Variants in ADAMTSL1 observed in about 807,000 individuals in gnomAD.
ADAMTSL1 encodes ADAMTS like 1.
Under a neutral mutation model 201.8 loss-of-function variants are expected in ADAMTSL1, and 126 were observed. The observed-to-expected ratio is 0.62, with a 90% CI of 0.54 to 0.72. ADAMTSL1 has a LOEUF of 0.72. Among genes scored for constraint, ADAMTSL1 ranks in the 30% least tolerant of loss-of-function variants. The probability of loss-of-function intolerance (pLI) is 0.00; values close to 1 mark genes in which losing one functional copy is unlikely to be tolerated. For synonymous variants in ADAMTSL1, 1,121 were observed against 903.4 expected, an observed-to-expected ratio of 1.24 and a Z score of -4.32; for missense variants, 2,679 against 2,277.8, an observed-to-expected ratio of 1.18 and a Z score of -3.59.
intron 1 of ADAMTSL1, among the ~76,000 whole-genome samples, chr9:18,021,329 CA>C (rs1368908736): frequency 1.3e-5 from 2 of 152,050 alleles, no homozygotes; most frequent in African/African-American, 4.8e-5. Context: ...TGGTTTGTAA[CA>C]AATCATTTTA....
rs572581488 is a variant in ADAMTSL1 at position 18,364,934 on chromosome 9, C to T, written c.208-139895C>T. Among the ~76,000 whole-genome samples the T allele has an allele frequency of 7.9e-5, 12 of 152,132 alleles. No individual in the cohort carries two copies. The South Asian group carries it at 1.2e-3, about 16-fold the overall frequency. ...GGTACTAAACCATTCATCAGAACTC[C>T]GCCCCCATGATCCAATAACCTCCCA... On this transcript the variant is annotated intron_variant, in intron 2 of 29. Transcript: ENST00000680146.
intron 2 of ADAMTSL1, among the ~76,000 whole-genome samples, chr9:18,225,571 C>A (rs1360006808): frequency 6.6e-6 from 1 of 152,062 alleles, no homozygotes; most frequent in Non-Finnish European, 1.5e-5. Flanking sequence ...TATTTAAAAG[C>A]AATCCCATCA....
intron 23 of ADAMTSL1, among the ~76,000 whole-genome samples, chr9:18,839,419 A>T (rs1825567296): frequency 1.3e-5 from 2 of 151,928 alleles, no homozygotes; most frequent in South Asian, 4.2e-4. Flanking sequence ...ACATTTTCTT[A>T]ATCCAGTCTA....
chr9:18,423,577 G>GC (rs1254838457), intron 2 of ADAMTSL1, among the ~76,000 whole-genome samples: 1 of 152,220 alleles, frequency 6.6e-6, no homozygotes, highest in African/African-American at 2.4e-5. Context: ...TTTGAGGGAT[G>GC]CAGCTCCTTA....
chr9:18,818,917 C>T (rs1824029519), intron 21 of ADAMTSL1, among the ~76,000 whole-genome samples: 1 of 152,124 alleles, frequency 6.6e-6, no homozygotes. Flanking sequence ...AATCTAGAAC[C>T]AAGTCCCTTC....
intron 2 of ADAMTSL1, among the ~76,000 whole-genome samples, chr9:18,225,907 T>A (rs185284804): frequency 6.6e-6 from 1 of 152,266 alleles, no homozygotes; most frequent in African/African-American, 2.4e-5. Flanking sequence ...GGCCTGTATT[T>A]CAGTTTTTCT....
intron 1 of ADAMTSL1, among the ~76,000 whole-genome samples, chr9:17,942,558 C>G (rs1241268979): frequency 1.3e-5 from 2 of 152,118 alleles, no homozygotes; most frequent in Admixed American, 1.3e-4. Flanking sequence ...TGATGCTCAC[C>G]TAGAAGCCAG....
intron 1 of ADAMTSL1, among the ~76,000 whole-genome samples, chr9:18,105,516 C>T (rs1587062871): frequency 6.6e-6 from 1 of 152,108 alleles, no homozygotes; most frequent in South Asian, 2.1e-4. Context: ...TATAAGATAC[C>T]ATCTTCTTAA....
chr9:18,268,818 G>C, intron 2 of ADAMTSL1, among the ~76,000 whole-genome samples: 1 of 152,090 alleles, frequency 6.6e-6, no homozygotes, highest in African/African-American at 2.4e-5. Flanking sequence ...GGAAATAAAA[G>C]CAATTGGGTC....
intron 1 of ADAMTSL1, among the ~76,000 whole-genome samples, chr9:17,978,346 CT>C (rs760495328): frequency 1.2e-4 from 18 of 151,912 alleles, no homozygotes; most frequent in Admixed American, 2.6e-4. Context: ...TGTTTTCTGG[CT>C]TTTTTGTAGT....
chr9:18,072,060 CA>C (rs1176741645), intron 1 of ADAMTSL1, among the ~76,000 whole-genome samples: 1 of 152,108 alleles, frequency 6.6e-6, no homozygotes, highest in Non-Finnish European at 1.5e-5. Context: ...AGAACATTGC[CA>C]TTCGTATGTC....
chr9:18,248,913 G>C (rs1831362112), intron 2 of ADAMTSL1, among the ~76,000 whole-genome samples: 1 of 152,176 alleles, frequency 6.6e-6, no homozygotes, highest in African/African-American at 2.4e-5. Flanking sequence ...AGAAAACAAA[G>C]TACTATGTGA....
chr9:18,701,827 AAAAC>A (rs950000702), intron 13 of ADAMTSL1, among the ~76,000 whole-genome samples: 1 of 152,234 alleles, frequency 6.6e-6, no homozygotes, highest in Non-Finnish European at 1.5e-5. Context: ...AATGATTTTT[AAAAC>A]AAACATATAT....
At chr9:18,269,557 T>G (rs1275974621) in intron 2 of ADAMTSL1, among the ~76,000 whole-genome samples, 1 of 152,158 alleles carries the variant, frequency 6.6e-6, no homozygotes, top group African/African-American at 2.4e-5. Flanking sequence ...ATTAATAAAT[T>G]TGGCAATGGT....
chr9:18,583,753 T>C (rs554709436), intron 4 of ADAMTSL1, among the ~76,000 whole-genome samples: 1 of 152,144 alleles, frequency 6.6e-6, no homozygotes, highest in South Asian at 2.1e-4. Flanking sequence ...TGCATCAGAG[T>C]GATCCAGATA....
At chr9:18,233,536 C>T (rs945293610) in intron 2 of ADAMTSL1, among the ~76,000 whole-genome samples, 4 of 152,080 alleles carry the variant, frequency 2.6e-5, no homozygotes, top group Non-Finnish European at 5.9e-5. Flanking sequence ...GTTATCTAGG[C>T]ACTGAGGTCG....
intron 1 of ADAMTSL1, among the ~76,000 whole-genome samples, chr9:18,143,451 A>G (rs553492171): frequency 1.3e-5 from 2 of 152,030 alleles, no homozygotes; most frequent in Non-Finnish European, 2.9e-5. Context: ...AGGGCTGTGG[A>G]GCAGGACAAT....
At chr9:18,705,216 T>A (rs1832162496) in intron 13 of ADAMTSL1, among the ~76,000 whole-genome samples, 1 of 152,194 alleles carries the variant, frequency 6.6e-6, no homozygotes, top group Non-Finnish European at 1.5e-5. Flanking sequence ...GTTCTTTCAT[T>A]GTCTGCCAAA....
At chr9:18,740,179 C>T (rs1357984191) in intron 15 of ADAMTSL1, among the ~76,000 whole-genome samples, 2 of 152,136 alleles carry the variant, frequency 1.3e-5, no homozygotes. Context: ...CTCACTAAGG[C>T]TGGCAAATCT....
Sources: gnomAD v4.1 joint callset for allele counts (sites outside exome capture counted in the v4.1 genomes callset) on GRCh38, gnomAD v4.1.1 for gene constraint, MANE v1.5 for transcripts, NCBI Gene and HGNC (gene_info 2026-07-23, HGNC 2026-07-21) for gene names.